Variants in ATP6V0A4 observed in about 807,000 individuals in gnomAD.
ATP6V0A4 encodes the protein ATPase H+ transporting V0 subunit a4.
A neutral mutation model predicts 107.3 loss-of-function variants in ATP6V0A4; 86 were observed. The observed-to-expected ratio is 0.80, with a 90% CI of 0.67 to 0.96. ATP6V0A4 has a LOEUF of 0.96. Among genes scored for constraint, ATP6V0A4 ranks in the 40% least tolerant of loss-of-function variants. The pLI, the probability that ATP6V0A4 is intolerant of heterozygous loss-of-function variation, is 0.00. For synonymous variants in ATP6V0A4, 353 were observed against 381.4 expected (o/e 0.93, Z 0.87); for missense variants, 908 against 1,045.6 (o/e 0.87, Z 1.81).
chr7:138,738,870 A>G (rs1805475357), intron 15 of ATP6V0A4, among the ~76,000 whole-genome samples: 1 of 152,170 alleles, frequency 6.6e-6, no homozygotes, highest in Admixed American at 6.6e-5. Flanking sequence ...GCCAGGTTCA[A>G]TTTCAGACTA....
intron 1 of ATP6V0A4, among the ~76,000 whole-genome samples, chr7:138,796,500 G>C (rs1808669222): frequency 1.3e-5 from 2 of 152,058 alleles, no homozygotes. Flanking sequence ...ACCCTTACCA[G>C]GCCCATTCAT....
At position 138,712,940 on chromosome 7, in the gene ATP6V0A4, A is replaced by G. The variant is rs113219914; in HGVS notation, c.2257+2824T>C. 4.3e-3 allele frequency among the ~76,000 whole-genome samples: 650 copies of G among 152,260 alleles called. 11 individuals carry two copies. Among genetic ancestry groups the G allele is most frequent in the African/African-American group, 0.015 (607 of 41,542 alleles). On this transcript the variant is annotated intron_variant, in intron 20 of 21. Coordinates refer to ENST00000310018, the MANE Select transcript of ATP6V0A4 (RefSeq NM_020632.3). ...AGCGCTGAGATCCACTCTAAGGAAC[A>G]AGTAGGTGACAGTCCTGGGACAGCC...
chr7:138,798,039 G>A lies in ATP6V0A4; in HGVS notation c.-126C>T, dbSNP rs1269440131. ...GCAGGTGGGAGTCGACTCACCTGCA[G>A]CAGGCACTCGGCACAACTCCGCAGG... On this transcript the variant is annotated 5_prime_UTR_variant, in exon 1 of 22. Transcript: ENST00000310018. 1.3e-6 allele frequency: 2 copies of A among 1,555,274 alleles called. No individual in the cohort carries two copies. The highest frequency in any genetic ancestry group is 1.7e-4 in the Middle Eastern group (1 of 6,014).
chr7:138,732,831 T>C (rs1254985062), intron 17 of ATP6V0A4, 46 bp downstream of exon 17: 2 of 1,442,928 alleles, frequency 1.4e-6, no homozygotes, highest in Admixed American at 2.3e-5. Context: ...TTTGACATAA[T>C]CAAGTAAATA....
chr7:138,755,071 GA>G (rs1158377265), intron 10 of ATP6V0A4, among the ~76,000 whole-genome samples: 2 of 152,176 alleles, frequency 1.3e-5, no homozygotes, highest in Non-Finnish European at 2.9e-5. Context: ...TATCATAACC[GA>G]AAGTTCTATC....
rs1448523793 is a variant in ATP6V0A4, at chr7:138,721,183, A to C, written c.2139+714T>G. 3.9e-5 allele frequency among the ~76,000 whole-genome samples: 6 copies of C among 152,126 alleles called. No individual in the cohort carries two copies. In the South Asian group the frequency reaches 8.3e-4, roughly 21 times the overall value. On this transcript the variant is annotated intron_variant, in intron 19 of 21. Coordinates refer to ENST00000310018, the MANE Select transcript of ATP6V0A4 (RefSeq NM_020632.3). ...TGGCTGTCCTTGCACAGGCAGGGGC[A>C]GGGAGGGATGAGGGAACAAAACAAT...
At chr7:138,758,828 G>A (rs1475717891) in intron 8 of ATP6V0A4, among the ~76,000 whole-genome samples, 1 of 128,384 alleles carries the variant, frequency 7.8e-6, no homozygotes, top group Admixed American at 1.0e-4. Flanking sequence ...TCAGCTCACT[G>A]CAACCTCCGC....
At chr7:138,738,109 T>A (rs187155525) in intron 15 of ATP6V0A4, among the ~76,000 whole-genome samples, 35 of 152,328 alleles carry the variant, frequency 2.3e-4, no homozygotes, top group African/African-American at 5.5e-4. Flanking sequence ...TAGATTTTTT[T>A]AAATCATATA....
chr7:138,768,707 C>T (rs1183642584), intron 5 of ATP6V0A4, 73 bp downstream of exon 5: 33 of 1,562,224 alleles, frequency 2.1e-5, no homozygotes, highest in Non-Finnish European at 2.9e-5. Context: ...CTGCAAGTGG[C>T]TCTCAGGGCC....
intron 20 of ATP6V0A4, among the ~76,000 whole-genome samples, chr7:138,710,701 G>A (rs1384270539): frequency 6.6e-6 from 1 of 152,204 alleles, no homozygotes; most frequent in African/African-American, 2.4e-5. Context: ...GCCAGGTACT[G>A]AGCACAGGAG....
At chr7:138,725,767 C>A (rs1324704086) in intron 18 of ATP6V0A4, among the ~76,000 whole-genome samples, 12 of 152,144 alleles carry the variant, frequency 7.9e-5, no homozygotes, top group Admixed American at 1.3e-4. Context: ...CCTGCCTCAG[C>A]CTCCCAGAGT....
chr7:138,714,130 C>T (rs1365988613), intron 20 of ATP6V0A4, among the ~76,000 whole-genome samples: 3 of 150,442 alleles, frequency 2.0e-5, no homozygotes, highest in African/African-American at 4.9e-5. Context: ...CCTGTGGTCC[C>T]AGCTACTTGG....
intron 5 of ATP6V0A4, among the ~76,000 whole-genome samples, chr7:138,764,403 C>A (rs1304786428): frequency 6.6e-6 from 1 of 151,828 alleles, no homozygotes; most frequent in Admixed American, 6.6e-5. Context: ...AAAACAATAA[C>A]AAATCCACAC....
chr7:138,711,931 G>T (rs570902659), intron 20 of ATP6V0A4, among the ~76,000 whole-genome samples: 1 of 152,132 alleles, frequency 6.6e-6, no homozygotes, highest in Non-Finnish European at 1.5e-5. Context: ...CACCCACTTT[G>T]TTCCTTTTTT....
chr7:138,777,611 G>A (rs1342904789), intron 2 of ATP6V0A4, among the ~76,000 whole-genome samples: 3 of 58,536 alleles, frequency 5.1e-5, no homozygotes, highest in African/African-American at 1.6e-4. Flanking sequence ...GGGAAACTCC[G>A]TCTCAAAAAA....
intron 13 of ATP6V0A4, among the ~76,000 whole-genome samples, chr7:138,745,978 T>TATATATATATAA (rs1367872235): frequency 8.1e-6 from 1 of 122,878 alleles, no homozygotes; most frequent in African/African-American, 3.2e-5. Flanking sequence ...TATATATATA[T>TATATATATATAA]AAAATATATA....
intron 7 of ATP6V0A4, among the ~76,000 whole-genome samples, chr7:138,761,680 A>C (rs1806827156): frequency 6.6e-6 from 1 of 151,120 alleles, no homozygotes; most frequent in Admixed American, 6.6e-5. Context: ...TCAAAGTAAT[A>C]TTTTATTTTA....
At chr7:138,730,341 A>AGTGT (rs369725759) in intron 17 of ATP6V0A4, among the ~76,000 whole-genome samples, 2,443 of 140,078 alleles carry the variant, frequency 0.017, 34 homozygotes, top group East Asian at 0.031. Context: ...CAACGGGATG[A>AGTGT]GTGTGTGTGT....
intron 19 of ATP6V0A4, among the ~76,000 whole-genome samples, chr7:138,718,618 A>ATGGGGAGGAATGGGGAGGAC (rs2117204300): frequency 2.2e-5 from 1 of 45,284 alleles, no homozygotes; most frequent in African/African-American, 1.1e-4. Context: ...ATGGGGAGGA[A>ATGGGGAGGAATGGGGAGGAC]TGGGGAGGTG....
Sources: gnomAD v4.1 joint callset for allele counts (sites outside exome capture counted in the v4.1 genomes callset) on GRCh38, gnomAD v4.1.1 for gene constraint, MANE v1.5 for transcripts, NCBI Gene and HGNC (gene_info 2026-07-23, HGNC 2026-07-21) for gene names.